Variants in NOL4 observed in about 807,000 individuals in gnomAD.
The protein encoded by NOL4 is cancer/testis antigen 125.
A neutral mutation model predicts 75.9 loss-of-function variants in NOL4; 17 were observed. The observed-to-expected ratio is 0.22, with a 90% CI of 0.15 to 0.34. NOL4 has a LOEUF of 0.34. NOL4 is among the 10% of genes least tolerant of loss of function. The pLI is 1.00. For missense variants in NOL4, 614 were observed against 793.5 expected (o/e 0.77, Z 2.72); for synonymous variants, 292 against 289.9 (o/e 1.01, Z -0.07).
chr18:34,007,191 G>A (rs1186172566), intron 6 of NOL4, among the ~76,000 whole-genome samples: 1 of 151,932 alleles, frequency 6.6e-6, no homozygotes, highest in Non-Finnish European at 1.5e-5. Flanking sequence ...GCTGGCTGGG[G>A]TAATTGCTCC....
chr18:34,123,532 C>CATATATATATATATAT (rs34954122), intron 2 of NOL4, among the ~76,000 whole-genome samples: 3 of 129,340 alleles, frequency 2.3e-5, no homozygotes, highest in African/African-American at 8.6e-5. Flanking sequence ...ATGTGATAAC[C>CATATATATATATATAT]ATATATATAT....
intron 2 of NOL4, among the ~76,000 whole-genome samples, chr18:34,112,365 C>T (rs573608320): frequency 2.0e-5 from 3 of 149,748 alleles, no homozygotes; most frequent in Non-Finnish European, 3.0e-5. Context: ...TGAGACTGTC[C>T]CCCCCCAAAA....
intron 6 of NOL4, among the ~76,000 whole-genome samples, chr18:33,975,221 T>A (rs959535064): frequency 6.6e-6 from 1 of 152,206 alleles, no homozygotes; most frequent in Admixed American, 6.5e-5. Flanking sequence ...TTCTGCAAGA[T>A]GAAAAGGTTC....
intron 1 of NOL4, among the ~76,000 whole-genome samples, chr18:34,217,010 A>T (rs1462777277): frequency 6.6e-6 from 1 of 152,054 alleles, no homozygotes; most frequent in East Asian, 1.9e-4. Flanking sequence ...ACTATCAGTC[A>T]TTTTATCGAC....
At chr18:34,131,306 A>G (rs1476454096) in intron 1 of NOL4, among the ~76,000 whole-genome samples, 1 of 152,096 alleles carries the variant, frequency 6.6e-6, no homozygotes, top group Non-Finnish European at 1.5e-5. Context: ...GTTTTTTGTT[A>G]TTTATTCATT....
At chr18:34,064,127 A>C (rs1472663427) in intron 5 of NOL4, among the ~76,000 whole-genome samples, 1 of 152,046 alleles carries the variant, frequency 6.6e-6, no homozygotes, top group Non-Finnish European at 1.5e-5. Context: ...GTCACTTATG[A>C]AACACAAAGC....
intron 1 of NOL4, among the ~76,000 whole-genome samples, chr18:34,197,788 G>A (rs903764091): frequency 5.9e-5 from 9 of 151,790 alleles, no homozygotes; most frequent in Non-Finnish European, 4.4e-5. Flanking sequence ...ATTAATTTAA[G>A]GACATGAACA....
intron 1 of NOL4, among the ~76,000 whole-genome samples, chr18:34,141,172 C>G (rs552070755): frequency 6.6e-6 from 1 of 151,902 alleles, no homozygotes; most frequent in Non-Finnish European, 1.5e-5. Context: ...CACTGCTTAA[C>G]GAAATAAAAG....
intron 9 of NOL4, among the ~76,000 whole-genome samples, chr18:33,891,386 C>A (rs1251305433): frequency 6.6e-6 from 1 of 152,034 alleles, no homozygotes; most frequent in African/African-American, 2.4e-5. Context: ...ATAAAATCAC[C>A]ACAAATAAAG....
rs115840726 is a variant in NOL4 at position 34,029,401 on chromosome 18, C to T, written c.773-9800G>A. On this transcript the variant is annotated intron_variant, in intron 5 of 10. Transcript: ENST00000261592. ...CTATTTAATTAGTAGATACTAGGTG[C>T]CACTAAAGAGTAATTAAAAATGATA... is the stretch of plus-strand genomic sequence containing the variant. Among the ~76,000 whole-genome samples, 339 of 152,212 alleles carry T rather than the reference C, an allele frequency of 2.2e-3. 1 individual carries two copies. Among genetic ancestry groups the T allele is most frequent in the African/African-American group, 7.6e-3 (317 of 41,536 alleles).
chr18:34,007,318 G>A (rs1183429907), intron 6 of NOL4, among the ~76,000 whole-genome samples: 1 of 151,944 alleles, frequency 6.6e-6, no homozygotes, highest in Non-Finnish European at 1.5e-5. Flanking sequence ...GTGATATAAG[G>A]TCAATTAAAA....
At chr18:34,054,047 AAATT>A (rs1158187170) in intron 5 of NOL4, among the ~76,000 whole-genome samples, 11 of 151,972 alleles carry the variant, frequency 7.2e-5, no homozygotes, top group African/African-American at 2.7e-4. Context: ...TGATGCAAGC[AAATT>A]CTCACATAAT....
chr18:33,886,613 A>C (rs1480037083), intron 9 of NOL4, among the ~76,000 whole-genome samples: 1 of 150,556 alleles, frequency 6.6e-6, no homozygotes, highest in Non-Finnish European at 1.5e-5. Context: ...ATAATAACTT[A>C]GTTTCACATA....
At chr18:34,072,087 C>G (rs373687171) in intron 5 of NOL4, among the ~76,000 whole-genome samples, 16 of 151,878 alleles carry the variant, frequency 1.1e-4, no homozygotes, top group African/African-American at 3.9e-4. Context: ...AAAAATTAGC[C>G]GGGCGTGGTG....
chr18:33,915,814 G>T (rs762788251), intron 9 of NOL4, among the ~76,000 whole-genome samples: 3 of 152,102 alleles, frequency 2.0e-5, no homozygotes, highest in African/African-American at 4.8e-5. Flanking sequence ...AAGTAGTAAG[G>T]TCTCTCTCCT....
chr18:33,952,336 T>C (rs903957373), intron 8 of NOL4, among the ~76,000 whole-genome samples: 8 of 152,264 alleles, frequency 5.3e-5, no homozygotes, highest in Non-Finnish European at 1.0e-4. Context: ...AATTCCTGTG[T>C]CATAAAAAAT....
intron 5 of NOL4, among the ~76,000 whole-genome samples, chr18:34,063,884 T>G (rs1002991499): frequency 1.3e-5 from 2 of 152,032 alleles, no homozygotes; most frequent in African/African-American, 4.8e-5. Flanking sequence ...ATTATATTGC[T>G]TAAAAGAACA....
At chr18:33,932,979 T>C (rs1004761209) in intron 9 of NOL4, among the ~76,000 whole-genome samples, 2 of 152,054 alleles carry the variant, frequency 1.3e-5, no homozygotes, top group Non-Finnish European at 2.9e-5. Context: ...ATACGTTCTA[T>C]CCCAGATAAA....
chr18:33,860,734 A>G (rs552937391), intron 10 of NOL4, among the ~76,000 whole-genome samples: 71 of 152,032 alleles, frequency 4.7e-4, no homozygotes, highest in African/African-American at 1.2e-3. Context: ...GAATGCTTCC[A>G]GTTTTTGCCC....
Sources: gnomAD v4.1 joint callset for allele counts (sites outside exome capture counted in the v4.1 genomes callset) on GRCh38, gnomAD v4.1.1 for gene constraint, MANE v1.5 for transcripts, NCBI Gene and HGNC (gene_info 2026-07-23, HGNC 2026-07-21) for gene names.